The following SCAI variants were observed in gnomAD, a reference collection of about 807,000 sequenced individuals.
The protein encoded by SCAI is protein SCAI.
SCAI carries 24 observed loss-of-function variants against 92.2 expected under a neutral mutation model. That is an observed-to-expected ratio of 0.26 (90% CI 0.19 to 0.37). The LOEUF is 0.37. SCAI is among the 10% of genes least tolerant of loss of function. The probability of loss-of-function intolerance (pLI) is 1.00; values close to 1 mark genes in which losing one functional copy is unlikely to be tolerated. For missense variants in SCAI, 450 were observed against 736.2 expected (o/e 0.61, Z 4.50); for synonymous variants, 261 against 258.6 (o/e 1.01, Z -0.09).
At chr9:125,022,662 C>A (rs377190783) in intron 6 of SCAI, among the ~76,000 whole-genome samples, 6 of 152,154 alleles carry the variant, frequency 3.9e-5, no homozygotes, top group Admixed American at 6.5e-5. Flanking sequence ...AAGCAATCTT[C>A]CCATCTTAGC....
intron 3 of SCAI, among the ~76,000 whole-genome samples, chr9:125,042,634 T>TGTGTGTGTGTGTGC (rs761672178): frequency 1.0e-5 from 1 of 96,192 alleles, no homozygotes; most frequent in Non-Finnish European, 2.0e-5. Flanking sequence ...TGTGTGTGTG[T>TGTGTGTGTGTGTGC]ACACACACAC....
At chr9:124,955,678 C>T (rs1423424756) in intron 17 of SCAI, among the ~76,000 whole-genome samples, 7 of 148,654 alleles carry the variant, frequency 4.7e-5, no homozygotes, top group Admixed American at 6.7e-5. Flanking sequence ...AAGAAACAAA[C>T]GGTAGTGAAA....
intron 2 of SCAI, among the ~76,000 whole-genome samples, chr9:125,120,273 A>T (rs1835132068): frequency 6.6e-6 from 1 of 152,264 alleles, no homozygotes; most frequent in African/African-American, 2.4e-5. Flanking sequence ...TTTATTAAGT[A>T]GAGTTTTCCT....
At chr9:124,995,142 G>A (rs1832213257) in intron 13 of SCAI, 127 bp from the exon 14 acceptor site, 2 of 588,904 alleles carry the variant, frequency 3.4e-6, no homozygotes, top group Admixed American at 3.3e-5. Flanking sequence ...GACTAGTTAA[G>A]CAAAGGGGAA....
intron 14 of SCAI, among the ~76,000 whole-genome samples, chr9:124,985,333 A>G (rs1368030829): frequency 6.6e-6 from 1 of 152,150 alleles, no homozygotes; most frequent in Non-Finnish European, 1.5e-5. Context: ...GCCCTCCTGC[A>G]TATTTGCAGC....
At position 124,947,651 on chromosome 9, in the gene SCAI, T is replaced by C. The variant is rs1300249338; in HGVS notation, c.*5156A>G. 1 of 152,176 alleles carries C rather than the reference T, an allele frequency of 6.6e-6. No homozygotes were observed. The highest frequency in any genetic ancestry group is 1.5e-5 in the Non-Finnish European group (1 of 68,026). The allele number at this position is 152,176 out of a possible 1,614,324, so 9.4% of individuals were successfully genotyped here. A position where few individuals can be genotyped will look rare whatever the true frequency, so the allele number is the denominator to read the frequency against. On this transcript the variant is annotated 3_prime_UTR_variant, in exon 18 of 18. Coordinates refer to ENST00000336505, the MANE Select transcript of SCAI (RefSeq NM_001144877.3). Reference sequence around the variant, plus strand: ...ATATTTACAAATATGTATACATATATACAAAAAGTATACACAGAGATTGCA... The same window carrying C: ...ATATTTACAAATATGTATACATATACACAAAAAGTATACACAGAGATTGCA...
chr9:125,089,474 CA>C (rs1834385416), intron 2 of SCAI, among the ~76,000 whole-genome samples: 1 of 152,106 alleles, frequency 6.6e-6, no homozygotes, highest in Admixed American at 6.5e-5. Flanking sequence ...GATGAAAGTG[CA>C]AAGGATATTA....
chr9:124,964,588 A>C (rs1831503023), intron 17 of SCAI, among the ~76,000 whole-genome samples: 1 of 152,126 alleles, frequency 6.6e-6, no homozygotes, highest in Non-Finnish European at 1.5e-5. Context: ...TGTGTAATGA[A>C]CCTTAAAGGT....
intron 2 of SCAI, among the ~76,000 whole-genome samples, chr9:125,121,784 T>C (rs552339546): frequency 9.8e-4 from 148 of 151,664 alleles, no homozygotes; most frequent in Admixed American, 9.5e-3. Context: ...ACCTGGGAGG[T>C]AGAGGTTGCA....
At chr9:125,097,027 A>G (rs1007079010) in intron 2 of SCAI, among the ~76,000 whole-genome samples, 10 of 152,316 alleles carry the variant, frequency 6.6e-5, no homozygotes, top group South Asian at 6.2e-4. Context: ...ATGGTAGGAA[A>G]CTTCTTTGAT....
chr9:125,026,919 A>G lies in SCAI; in HGVS notation c.414-9T>C. On this transcript the variant is annotated splice_polypyrimidine_tract_variant and intron_variant, in intron 5 of 17. Coordinates refer to ENST00000336505, the MANE Select transcript of SCAI (RefSeq NM_001144877.3). ...TTTCCGATGTGCGTAAGCTATGAGAAAAAATATATTTTTAAATATGACAGT... is the reference window on the plus strand; with the variant it reads ...TTTCCGATGTGCGTAAGCTATGAGAGAAAATATATTTTTAAATATGACAGT... 6.6e-7 allele frequency: 1 copy of G among 1,516,002 alleles called. No homozygotes were observed. Among genetic ancestry groups the G allele is most frequent in the Non-Finnish European group, 9.1e-7 (1 of 1,098,384 alleles). 93.9% of individuals were successfully genotyped at this position (1,516,002 alleles called of 1,614,324 possible). A position where few individuals can be genotyped will look rare whatever the true frequency, so the allele number is the denominator to read the frequency against.
intron 6 of SCAI, among the ~76,000 whole-genome samples, chr9:125,023,051 C>T (rs1261230230): frequency 6.6e-6 from 1 of 151,530 alleles, no homozygotes; most frequent in Non-Finnish European, 1.5e-5. Flanking sequence ...ATTCTTTATC[C>T]CCTTTCTTCT....
intron 3 of SCAI, among the ~76,000 whole-genome samples, chr9:125,032,462 G>A (rs954456411): frequency 2.0e-5 from 3 of 151,616 alleles, no homozygotes; most frequent in Non-Finnish European, 4.4e-5. Context: ...AAAGTGCTGG[G>A]ATTACAGGTG....
intron 2 of SCAI, among the ~76,000 whole-genome samples, chr9:125,088,458 C>G (rs1187051755): frequency 1.3e-5 from 2 of 152,146 alleles, no homozygotes; most frequent in African/African-American, 4.8e-5. Context: ...CCTTCTCCAG[C>G]CATGTAAGAT....
intron 3 of SCAI, among the ~76,000 whole-genome samples, chr9:125,051,383 G>T (rs929769861): frequency 1.3e-5 from 2 of 151,884 alleles, no homozygotes; most frequent in Non-Finnish European, 2.9e-5. Flanking sequence ...TATATCTGTG[G>T]TATATTTGCT....
At position 124,973,700 on chromosome 9, in the gene SCAI, G is replaced by A. The variant is rs138804708; in HGVS notation, c.1400-1856C>T. ...AAATTAGCTGGGAGTGGTGGCGAGC[G>A]CCTGTAATCCCAGCTTCTCGGGACG... is the stretch of plus-strand genomic sequence containing the variant. On this transcript the variant is annotated intron_variant, in intron 15 of 17. Coordinates refer to ENST00000336505, the MANE Select transcript of SCAI (RefSeq NM_001144877.3). Among the ~76,000 whole-genome samples the A allele has an allele frequency of 2.4e-3, 359 of 152,224 alleles. 3 individuals are homozygous for A. The highest frequency in any genetic ancestry group is 0.017 in the Middle Eastern group (5 of 294).
chr9:125,110,472 G>T (rs766528804), intron 2 of SCAI, among the ~76,000 whole-genome samples: 1 of 152,158 alleles, frequency 6.6e-6, no homozygotes, highest in Non-Finnish European at 1.5e-5. Context: ...GATATGGTTT[G>T]CATCTGTATC....
At chr9:125,029,549 A>C (rs1833030477) in intron 4 of SCAI, 95 bp downstream of exon 4, 1 of 602,486 alleles carries the variant, frequency 1.7e-6, no homozygotes, top group South Asian at 3.3e-5. Flanking sequence ...AAAAAGAAAA[A>C]GCACCAAGAC....
intron 2 of SCAI, among the ~76,000 whole-genome samples, chr9:125,114,598 G>A (rs1167391991): frequency 6.6e-6 from 1 of 151,878 alleles, no homozygotes; most frequent in African/African-American, 2.4e-5. Flanking sequence ...TATATAACCT[G>A]AAGGACCTTT....
Sources: gnomAD v4.1 joint callset for allele counts (sites outside exome capture counted in the v4.1 genomes callset) on GRCh38, gnomAD v4.1.1 for gene constraint, MANE v1.5 for transcripts, NCBI Gene and HGNC (gene_info 2026-07-23, HGNC 2026-07-21) for gene names.